Variants in JAG2 observed in about 807,000 individuals in gnomAD.
JAG2 encodes the protein protein jagged-2.
JAG2 carries 46 observed loss-of-function variants against 141.7 expected under a neutral mutation model. The ratio of observed to expected loss-of-function variants is 0.32; its 90% CI spans 0.26 to 0.42. JAG2 has a LOEUF of 0.42. Among genes scored for constraint, JAG2 ranks in the 10% least tolerant of loss-of-function variants. JAG2 has a pLI of 1.00. For synonymous variants in JAG2, 862 were observed against 763.5 expected (o/e 1.13, Z -2.13); for missense variants, 1,500 against 1,817.5 (o/e 0.83, Z 3.18).
At chr14:105,147,645 T>C in intron 18 of JAG2, 118 bp from the exon 19 acceptor site, 1 of 1,099,368 alleles carries the variant, frequency 9.1e-7, no homozygotes, top group Non-Finnish European at 1.3e-6. Flanking sequence ...TCAAGGAGGG[T>C]GCCTTTTGCT....
In JAG2 at chr14:105,151,110, A is replaced by G. The variant is rs1888410756; in HGVS notation, c.1268-6T>C. ...CCCTTCACACTCATTGGCGTCTGTG[A>G]AAGAGACAAGGTGGGAGCCGTGGGG... On this transcript the variant is annotated splice_polypyrimidine_tract_variant and splice_region_variant and intron_variant, in intron 9 of 25. Transcript: ENST00000331782. The G allele has an allele frequency of 6.2e-7, 1 of 1,607,856 alleles. No homozygotes were observed. Among genetic ancestry groups the G allele is most frequent in the Admixed American group, 1.7e-5 (1 of 59,424 alleles).
intron 5 of JAG2, among the ~76,000 whole-genome samples, chr14:105,155,312 C>T (rs1888546844): frequency 6.6e-6 from 1 of 152,074 alleles, no homozygotes; most frequent in African/African-American, 2.4e-5. Context: ...CCCTCGGTGA[C>T]GTGACTGTCC....
intron 2 of JAG2, among the ~76,000 whole-genome samples, chr14:105,158,236 G>T (rs768879575): frequency 2.0e-5 from 3 of 152,078 alleles, no homozygotes; most frequent in Non-Finnish European, 4.4e-5. Flanking sequence ...CCACGCTGGC[G>T]GCCTCCACCA....
Position 105,145,875 on chromosome 14 carries a change from G to A in JAG2, c.2808C>T (p.Gly936=). Residue 936 remains glycine, a synonymous_variant, in exon 23 of 26, where the codon GGC becomes GGT. Coordinates refer to ENST00000331782, the MANE Select transcript of JAG2 (RefSeq NM_002226.5). ...CCTCACAGGGTGGTCGCAGACACTG[G>A]CCTGGGGCCTTCTCCAGGCACCTTT... The part of the protein sequence containing the change: ...LGQRCLEKAP[G]QCLRPPCEAW... The A allele has an allele frequency of 6.4e-7, 1 of 1,560,400 alleles. No homozygotes were observed.
chr14:105,144,184 C>T (rs1888153812), intron 24 of JAG2, among the ~76,000 whole-genome samples: 1 of 151,774 alleles, frequency 6.6e-6, no homozygotes, highest in Non-Finnish European at 1.5e-5. Context: ...ACCTATGGGC[C>T]ACACCCCAGG....
chr14:105,168,125 G>A lies in JAG2; in HGVS notation c.67-18C>T, dbSNP rs751179965. 8 of 1,510,872 alleles carry A rather than the reference G, an allele frequency of 5.3e-6. No individual in the cohort carries two copies. The highest frequency in any genetic ancestry group is 2.7e-5 in the East Asian group (1 of 36,436). 93.6% of individuals were successfully genotyped at this position (1,510,872 alleles called of 1,614,324 possible). A position where few individuals can be genotyped will look rare whatever the true frequency, so the allele number is the denominator to read the frequency against. ...CGCGCCGCCTAAAAATAAGGCAGCG[G>A]GAGAGCGGAGGGAGGCGCGGGCCGG... On this transcript the variant is annotated intron_variant, in intron 1 of 25. Coordinates refer to ENST00000331782, the MANE Select transcript of JAG2 (RefSeq NM_002226.5).
At chr14:105,158,779 A>C (rs2140988091) in intron 2 of JAG2, among the ~76,000 whole-genome samples, 1 of 152,148 alleles carries the variant, frequency 6.6e-6, no homozygotes, top group Admixed American at 6.5e-5. Flanking sequence ...GCTGGGGCTG[A>C]GTCACCTCAG....
chr14:105,152,638 C>A (rs1057134390), intron 5 of JAG2, among the ~76,000 whole-genome samples: 2 of 151,542 alleles, frequency 1.3e-5, no homozygotes, highest in Non-Finnish European at 2.9e-5. Flanking sequence ...TCACAAGGTG[C>A]TGCCAGGGCC....
chr14:105,162,659 T>C (rs1366207811), intron 2 of JAG2, among the ~76,000 whole-genome samples: 9 of 142,032 alleles, frequency 6.3e-5, no homozygotes, highest in Non-Finnish European at 8.9e-5. Context: ...CCAGGGCACC[T>C]TAAAGCCCAG....
rs1008286327 is a variant in JAG2, at chr14:105,167,414, A to T, written c.417+343T>A. Among the ~76,000 whole-genome samples, 1 of 151,780 alleles carries T rather than the reference A, an allele frequency of 6.6e-6. No individual in the cohort carries two copies. The highest frequency in any genetic ancestry group is 1.5e-5 in the Non-Finnish European group (1 of 67,902). On this transcript the variant is annotated intron_variant, in intron 2 of 25. Transcript: ENST00000331782. This position sits in a 1 kb window ranked among gnomAD's most constrained non-coding sequence, Gnocchi z 4.8. ...CCCCAGCACGCGCTGCGCACATGCCACCGCGGCCTGCCCGGGACCGGGGCG... is the reference window on the plus strand; with the variant it reads ...CCCCAGCACGCGCTGCGCACATGCCTCCGCGGCCTGCCCGGGACCGGGGCG...
Position 105,167,636 on chromosome 14 carries a change from G to A in JAG2, c.417+121C>T, listed in dbSNP as rs1271362447. 2.6e-6 allele frequency: 3 copies of A among 1,143,030 alleles called. No homozygotes were observed. Among genetic ancestry groups the A allele is most frequent in the Admixed American group, 9.4e-5 (2 of 21,338 alleles). The allele number at this position is 1,143,030 out of a possible 1,614,324, so 70.8% of individuals were successfully genotyped here. On this transcript the variant is annotated intron_variant, in intron 2 of 25. Transcript: ENST00000331782. The surrounding 1 kb of genome is among the most constrained non-coding windows in gnomAD (Gnocchi z 4.8). ...ACGCGCCCCCTGCCGGCCCCGCCCCGCCTGGGCGCGCGCGGCTCGCACGCA... is the reference window on the plus strand; with the variant it reads ...ACGCGCCCCCTGCCGGCCCCGCCCCACCTGGGCGCGCGCGGCTCGCACGCA...
chr14:105,152,202 C>T lies in JAG2; in HGVS notation c.878G>A (p.Cys293Tyr). The T allele has an allele frequency of 6.2e-7, 1 of 1,613,722 alleles. No individual in the cohort carries two copies. Among genetic ancestry groups the T allele is most frequent in the Non-Finnish European group, 8.5e-7 (1 of 1,180,016 alleles). The change falls in exon 6 of 26, where the codon TGC becomes TAC. Residue 293 changes from cysteine to tyrosine, a missense_variant. Around this residue, in one of 3 missense-constraint regions of JAG2, gnomAD observed 875 missense variants for 1,202.2 expected, o/e 0.73. Coordinates refer to ENST00000331782, the MANE Select transcript of JAG2 (RefSeq NM_002226.5). The part of the protein sequence containing the change: ...VHGSCVEPWQ[C>Y]NCETNWGGLL... ...GCCGCCCCAGTTGGTCTCACAGTTG[C>T]ACTGCCAGGGCTCCACACAACTGCC... is the stretch of plus-strand genomic sequence containing the variant.
chr14:105,166,410 G>A (rs587708471), intron 2 of JAG2, among the ~76,000 whole-genome samples: 1 of 152,362 alleles, frequency 6.6e-6, no homozygotes, highest in African/African-American at 2.4e-5. Flanking sequence ...CTGCTGCACC[G>A]CCGTGGGGGC....
Position 105,149,233 on chromosome 14 carries a change from C to T in JAG2, c.1690G>A (p.Asp564Asn). 1 of 1,609,922 alleles carries T rather than the reference C, an allele frequency of 6.2e-7. No homozygotes were observed. The highest frequency in any genetic ancestry group is 8.5e-7 in the Non-Finnish European group (1 of 1,178,572). The change falls in exon 13 of 26, where the codon GAT becomes AAT. Residue 564 changes from aspartate to asparagine, a missense_variant. Physicochemically the swap from Asp to Asn is conservative, Grantham distance 23. Coordinates refer to ENST00000331782, the MANE Select transcript of JAG2 (RefSeq NM_002226.5). ...GAGCAGTTCTTGCCACCAAAGTCAT[C>T]AGGGCAGGCGCAGTAATAGTCACCC... is the stretch of plus-strand genomic sequence containing the variant. ...LEGDYYCACP[D>N]DFGGKNCSVP...
intron 5 of JAG2, among the ~76,000 whole-genome samples, chr14:105,152,758 GC>G (rs1433953540): frequency 6.6e-6 from 1 of 152,152 alleles, no homozygotes; most frequent in East Asian, 1.9e-4. Context: ...CACCTCAAAG[GC>G]AGTCATTTCG....
At chr14:105,148,003 G>A (rs1888282723) in intron 17 of JAG2, 113 bp downstream of exon 17, 5 of 1,076,200 alleles carry the variant, frequency 4.6e-6, no homozygotes, top group Non-Finnish European at 5.4e-6. Context: ...GGGGGCAGGG[G>A]GCAGGTGGCA....
At position 105,149,328 on chromosome 14, in the gene JAG2, G is replaced by A. The variant is rs1888338940; in HGVS notation, c.1603-8C>T. The A allele has an allele frequency of 1.2e-6, 2 of 1,612,582 alleles. No homozygotes were observed. The highest frequency in any genetic ancestry group is 1.1e-5 in the South Asian group (1 of 91,092). ...ACAAAGGTCGACATCCACCTGCAGG[G>A]TGGGGGGTGCCTGTGAGAGCCTAGG... On this transcript the variant is annotated splice_region_variant and splice_polypyrimidine_tract_variant and intron_variant, in intron 12 of 25. Coordinates refer to ENST00000331782, the MANE Select transcript of JAG2 (RefSeq NM_002226.5).
At position 105,143,663 on chromosome 14, in the gene JAG2, G is replaced by T. The variant is rs371523803; in HGVS notation, c.3085-25C>A. Reference sequence around the variant, plus strand: ...ACTGCGGCAAAGAACGGCATTGTGGGGATGGCTCGAGGGCTCCAGGCTCCC... The same window carrying T: ...ACTGCGGCAAAGAACGGCATTGTGGTGATGGCTCGAGGGCTCCAGGCTCCC... On this transcript the variant is annotated intron_variant, in intron 24 of 25. Coordinates refer to ENST00000331782, the MANE Select transcript of JAG2 (RefSeq NM_002226.5). 11 of 1,602,722 alleles carry T rather than the reference G, an allele frequency of 6.9e-6. No homozygotes were observed. The African/African-American group carries it at 1.3e-4, about 19-fold the overall frequency.
Position 105,150,603 on chromosome 14 carries a change from C to T in JAG2, c.1602+1G>A. 6.5e-7 allele frequency: 1 copy of T among 1,547,828 alleles called. No homozygotes were observed. The highest frequency in any genetic ancestry group is 8.7e-7 in the Non-Finnish European group (1 of 1,145,748). ...GGGCAGGGTGACCAGGCAGACCTCACCTCACAGAGAGGCCCGGAGAAGCCC... is the reference window on the plus strand; with the variant it reads ...GGGCAGGGTGACCAGGCAGACCTCATCTCACAGAGAGGCCCGGAGAAGCCC... On this transcript the variant is annotated splice_donor_variant, in intron 12 of 25. Transcript: ENST00000331782. LOFTEE classifies it high-confidence loss of function.
Sources: allele counts gnomAD v4.1 joint callset (sites outside exome capture counted in the v4.1 genomes callset), GRCh38; gene constraint gnomAD v4.1.1; regional missense constraint gnomAD v4.1.1; non-coding constraint Gnocchi (gnomAD v3.1); transcripts MANE v1.5; gene names NCBI Gene and HGNC (gene_info 2026-07-23, HGNC 2026-07-21).